The following ITGB3BP variants were observed in gnomAD, a reference collection of about 807,000 sequenced individuals.
ITGB3BP encodes centromere protein R.
Under a neutral mutation model 29.1 loss-of-function variants are expected in ITGB3BP, and 27 were observed. That is an observed-to-expected ratio of 0.93 (90% CI 0.68 to 1.28). The LOEUF (loss-of-function observed/expected upper bound fraction) is 1.28, where lower values mean the gene tolerates loss of function less well. Ranked by LOEUF, ITGB3BP falls within the 50% of genes most tolerant of loss-of-function variation. The pLI is 0.00. For synonymous variants in ITGB3BP, 61 were observed against 61.4 expected (o/e 0.99, Z 0.03); for missense variants, 192 against 200.2 (o/e 0.96, Z 0.25).
chr1:63,473,007 C>T lies in ITGB3BP; in HGVS notation c.254+5757G>A, dbSNP rs534848050. 1.4e-3 allele frequency among the ~76,000 whole-genome samples: 211 copies of T among 151,564 alleles called. 2 individuals are homozygous for T. Among genetic ancestry groups the T allele is most frequent in the African/African-American group, 4.8e-3 (198 of 41,300 alleles). On this transcript the variant is annotated intron_variant, in intron 4 of 8. Coordinates refer to ENST00000271002, the MANE Select transcript of ITGB3BP (RefSeq NM_014288.5). ...AAAGTGAGGAGCGTCTCTGCCCAGC[C>T]GCCATCCCATCTAGGAAGCGAGGAG...
At chr1:63,464,071 G>A (rs967289053) in intron 4 of ITGB3BP, among the ~76,000 whole-genome samples, 2 of 152,074 alleles carry the variant, frequency 1.3e-5, no homozygotes, top group Non-Finnish European at 2.9e-5. Context: ...AGGAATGAGG[G>A]AGGGATTAAC....
chr1:63,500,382 CA>C (rs529205280), intron 2 of ITGB3BP, among the ~76,000 whole-genome samples: 4 of 142,464 alleles, frequency 2.8e-5, no homozygotes, highest in Non-Finnish European at 1.5e-5. Flanking sequence ...TGTCTCAAAA[CA>C]AAAAAAAAAG....
intron 8 of ITGB3BP, among the ~76,000 whole-genome samples, chr1:63,441,986 G>C (rs1320059091): frequency 6.6e-6 from 1 of 152,160 alleles, no homozygotes; most frequent in Non-Finnish European, 1.5e-5. Context: ...TGTACTCCTA[G>C]GCCAAGGCAG....
Position 63,470,159 on chromosome 1 carries a change from G to A in ITGB3BP, c.254+8605C>T, listed in dbSNP as rs560945986. Among the ~76,000 whole-genome samples the A allele has an allele frequency of 4.6e-5, 7 of 152,262 alleles. 1 individual carries two copies. In the South Asian group the frequency reaches 1.5e-3, roughly 32 times the overall value. On this transcript the variant is annotated intron_variant, in intron 4 of 8. Coordinates refer to ENST00000271002, the MANE Select transcript of ITGB3BP (RefSeq NM_014288.5). Reference sequence around the variant, plus strand: ...ACTGGATTGCTGTTAATAAATACGTGGGTAAATCTCTGTTCAGGGCTCTCA... The same window carrying A: ...ACTGGATTGCTGTTAATAAATACGTAGGTAAATCTCTGTTCAGGGCTCTCA...
At chr1:63,449,771 G>A (rs1174925612) in intron 7 of ITGB3BP, 5 of 154,380 alleles carry the variant, frequency 3.2e-5, no homozygotes, top group Non-Finnish European at 4.4e-5. Flanking sequence ...CCTAAAAGTC[G>A]TCACGTCTAA....
At chr1:63,475,798 G>C (rs1235600590) in intron 4 of ITGB3BP, among the ~76,000 whole-genome samples, 1 of 151,892 alleles carries the variant, frequency 6.6e-6, no homozygotes. Context: ...AGGAGTTCGA[G>C]ACTAGTCTGG....
rs1285089981 is a variant in ITGB3BP, at chr1:63,509,986, A to G, written c.6-1416T>C. On this transcript the variant is annotated intron_variant, in intron 1 of 8. Coordinates refer to ENST00000271002, the MANE Select transcript of ITGB3BP (RefSeq NM_014288.5). The stretch of plus-strand genomic sequence containing the variant: ...GGTGGGTGGATCACCTGACGTCAGG[A>G]GTTCGAGACCAGCCTAACATGGTGA... 2.3e-5 allele frequency: 10 copies of G among 430,246 alleles called. No individual in the cohort carries two copies. The South Asian group carries it at 4.9e-4, about 21-fold the overall frequency. The allele number at this position is 430,246 out of a possible 1,614,324, so 26.7% of individuals were successfully genotyped here. A position where few individuals can be genotyped will look rare whatever the true frequency, so the allele number is the denominator to read the frequency against.
upstream of ITGB3BP, chr1:63,523,568 C>T (rs547918708): frequency 1.6e-4 from 31 of 192,738 alleles, no homozygotes; most frequent in Non-Finnish European, 2.4e-4. Flanking sequence ...TGTCCAGCTG[C>T]GGTGAGAGGA....
At chr1:63,503,609 T>A (rs912810497) in intron 2 of ITGB3BP, among the ~76,000 whole-genome samples, 1 of 152,178 alleles carries the variant, frequency 6.6e-6, no homozygotes, top group African/African-American at 2.4e-5. Flanking sequence ...CTGAATGGTA[T>A]TGCCTAGGTT....
intron 2 of ITGB3BP, among the ~76,000 whole-genome samples, chr1:63,498,236 C>T (rs1321429554): frequency 6.6e-6 from 1 of 152,046 alleles, no homozygotes. Flanking sequence ...AACCCTCCCC[C>T]AACAACAGCA....
At chr1:63,448,646 A>T (rs1259157365) in intron 7 of ITGB3BP, among the ~76,000 whole-genome samples, 2 of 152,112 alleles carry the variant, frequency 1.3e-5, no homozygotes, top group Non-Finnish European at 2.9e-5. Context: ...CTCTGAGAGT[A>T]AAAAATGGGA....
At chr1:63,485,609 T>A (rs573601961) in intron 3 of ITGB3BP, among the ~76,000 whole-genome samples, 44 of 152,230 alleles carry the variant, frequency 2.9e-4, no homozygotes, top group Non-Finnish European at 5.2e-4. Context: ...TTATCTGAGG[T>A]TCACTTTACC....
chr1:63,459,718 C>T (rs1644985844), intron 4 of ITGB3BP, among the ~76,000 whole-genome samples: 1 of 152,016 alleles, frequency 6.6e-6, no homozygotes, highest in African/African-American at 2.4e-5. Flanking sequence ...ATTTAATTAT[C>T]CGGGTTTTAT....
intron 2 of ITGB3BP, among the ~76,000 whole-genome samples, chr1:63,503,297 G>C (rs2100747087): frequency 6.6e-6 from 1 of 152,182 alleles, no homozygotes; most frequent in African/African-American, 2.4e-5. Flanking sequence ...GTGTCTTTTG[G>C]CTGCATAAAT....
chr1:63,511,573 G>GAT (rs978918000), intron 1 of ITGB3BP, among the ~76,000 whole-genome samples: 10 of 151,952 alleles, frequency 6.6e-5, no homozygotes, highest in South Asian at 4.2e-4. Context: ...AACAAAATGT[G>GAT]ATATATATAT....
Position 63,446,814 on chromosome 1 carries a change from A to T in ITGB3BP, c.527T>A (p.Leu176Ter). The T allele has an allele frequency of 6.2e-7, 1 of 1,608,490 alleles. No individual in the cohort carries two copies. Among genetic ancestry groups the T allele is most frequent in the Non-Finnish European group, 8.5e-7 (1 of 1,175,150 alleles). ...GAAAGGTGAAACAGTACCTCAGTTTAAAATGGCTTTAAGGAATTCATAGCT... is the reference window on the plus strand; with the variant it reads ...GAAAGGTGAAACAGTACCTCAGTTTTAAATGGCTTTAAGGAATTCATAGCT... ...LDSYEFLKAI[L>*]N Residue 176 changes from leucine (L) to a stop codon, truncating the protein, a stop_gained, in exon 8 of 9, where the codon TTA becomes TAA. Coordinates refer to ENST00000271002, the MANE Select transcript of ITGB3BP (RefSeq NM_014288.5). LOFTEE classifies it high-confidence loss of function.
intron 1 of ITGB3BP, among the ~76,000 whole-genome samples, chr1:63,514,448 GA>G (rs1215256806): frequency 6.6e-6 from 1 of 152,100 alleles, no homozygotes; most frequent in Non-Finnish European, 1.5e-5. Flanking sequence ...AATTTCATAA[GA>G]AACTGCCAAA....
chr1:63,518,660 T>C (rs1039724767), intron 1 of ITGB3BP, among the ~76,000 whole-genome samples: 6 of 151,998 alleles, frequency 3.9e-5, no homozygotes, highest in Middle Eastern at 3.4e-3. Context: ...TAAAAAAAAA[T>C]CTAGCCTTAT....
intron 4 of ITGB3BP, among the ~76,000 whole-genome samples, chr1:63,468,980 G>A (rs924935308): frequency 1.1e-4 from 16 of 151,888 alleles, no homozygotes; most frequent in Non-Finnish European, 1.8e-4. Flanking sequence ...GAACCAGGGA[G>A]GTGGAGGTTG....
Sources: gnomAD v4.1 joint callset for allele counts (sites outside exome capture counted in the v4.1 genomes callset) on GRCh38, gnomAD v4.1.1 for gene constraint, MANE v1.5 for transcripts, NCBI Gene and HGNC (gene_info 2026-07-23, HGNC 2026-07-21) for gene names.